RPS5: variants seen among roughly 807,000 people sequenced by gnomAD.
RPS5 encodes the protein small ribosomal subunit protein uS7.
In RPS5, 2 loss-of-function variants were observed where a neutral mutation model predicts 20.9. The observed-to-expected ratio is 0.10, with a 90% CI of 0.04 to 0.30. The LOEUF (loss-of-function observed/expected upper bound fraction) is 0.30. RPS5 is among the 10% of genes least tolerant of loss of function. The pLI is 1.00. For missense variants in RPS5, 122 were observed against 287.2 expected (o/e 0.42, Z 4.16); for synonymous variants, 112 against 105.8 (o/e 1.06, Z -0.36).
At chr19:58,394,616 T>TG (rs780209258) in intron 5 of RPS5, 21 bp downstream of exon 5, 98 of 1,613,740 alleles carry the variant, frequency 6.1e-5, no homozygotes, top group South Asian at 4.8e-4. Flanking sequence ...GCACTCCGGT[T>TG]GGGGGGTCTT....
rs893577870 is a variant in RPS5 at position 58,388,078 on chromosome 19, G to A, written c.-1-59G>A. Reference sequence around the variant, plus strand: ...TAGCCTCAGAGTTGGGAATGAGTGCGCCTTTGCTCCATGCTAGCTGAGCTC... The same window carrying A: ...TAGCCTCAGAGTTGGGAATGAGTGCACCTTTGCTCCATGCTAGCTGAGCTC... On this transcript the variant is annotated intron_variant, in intron 1 of 5. Coordinates refer to ENST00000196551, the MANE Select transcript of RPS5 (RefSeq NM_001009.4). The A allele has an allele frequency of 4.2e-6, 5 of 1,181,456 alleles. No homozygotes were observed. The African/African-American group carries it at 4.5e-5, about 11-fold the overall frequency. The allele number at this position is 1,181,456 out of a possible 1,614,324, so 73.2% of individuals were successfully genotyped here. A position where few individuals can be genotyped will look rare whatever the true frequency, so the allele number is the denominator to read the frequency against.
intron 2 of RPS5, among the ~76,000 whole-genome samples, chr19:58,391,899 C>G (rs1467746430): frequency 6.6e-6 from 1 of 152,064 alleles, no homozygotes; most frequent in African/African-American, 2.4e-5. Context: ...GCCCTCCAGC[C>G]TGGAAGGCAG....
rs749429275 is a variant in RPS5, at chr19:58,393,436, G to T, written c.396G>T (p.Gly132=). The stretch of plus-strand genomic sequence containing the variant: ...ACTCCACACGCATTGGGCGCGCCGG[G>T]ACTGTGAGACGACAGGCTGTGGATG... ...REDSTRIGRA[G]TVRRQAVDVS... Residue 132 remains glycine, a synonymous_variant, in exon 4 of 6, where the codon GGG becomes GGT. Coordinates refer to ENST00000196551, the MANE Select transcript of RPS5 (RefSeq NM_001009.4). 91 of 1,613,316 alleles carry T rather than the reference G, an allele frequency of 5.6e-5. No homozygotes were observed. The South Asian group carries it at 9.0e-4, about 16-fold the overall frequency.
chr19:58,394,604 G>A lies in RPS5; in HGVS notation c.546+9G>A. 6 of 1,613,992 alleles carry A rather than the reference G, an allele frequency of 3.7e-6. No individual in the cohort carries two copies. Among genetic ancestry groups the A allele is most frequent in the Non-Finnish European group, 5.1e-6 (6 of 1,179,892 alleles). On this transcript the variant is annotated intron_variant, in intron 5 of 5. Transcript: ENST00000196551. ...TCATCAATGCTGCCAAGGTGGGTGAGGGCACTCCGGTTGGGGGGTCTTAAG... is the reference window on the plus strand; with the variant it reads ...TCATCAATGCTGCCAAGGTGGGTGAAGGCACTCCGGTTGGGGGGTCTTAAG...
At chr19:58,392,881 C>T in intron 2 of RPS5, 95 bp from the exon 3 acceptor site, 1 of 1,178,498 alleles carries the variant, frequency 8.5e-7, no homozygotes, top group South Asian at 1.4e-5. Context: ...GTTGGACTAC[C>T]CCGAATGGGT....
intron 2 of RPS5, among the ~76,000 whole-genome samples, chr19:58,391,115 T>C (rs1599933843): frequency 1.3e-5 from 2 of 152,190 alleles, no homozygotes; most frequent in African/African-American, 2.4e-5. Flanking sequence ...GATGGCTATG[T>C]AAGTATAAGA....
At chr19:58,392,272 C>T (rs548649613) in intron 2 of RPS5, among the ~76,000 whole-genome samples, 1 of 151,500 alleles carries the variant, frequency 6.6e-6, no homozygotes, top group South Asian at 2.1e-4. Flanking sequence ...TGCAGTGAGC[C>T]GAGGTTGCGC....
intron 2 of RPS5, among the ~76,000 whole-genome samples, chr19:58,391,079 G>A (rs1228006575): frequency 1.3e-5 from 2 of 152,090 alleles, no homozygotes; most frequent in East Asian, 3.8e-4. Flanking sequence ...TTAACTTTTT[G>A]GCATTTTTCT....
intron 2 of RPS5, 127 bp downstream of exon 2, chr19:58,388,372 C>T: frequency 1.5e-6 from 1 of 683,230 alleles, no homozygotes; most frequent in Non-Finnish European, 2.6e-6. Context: ...GAAGGGATCC[C>T]TTGACCACCA....
At chr19:58,391,918 C>T (rs577028088) in intron 2 of RPS5, among the ~76,000 whole-genome samples, 71 of 151,888 alleles carry the variant, frequency 4.7e-4, no homozygotes, top group Non-Finnish European at 9.7e-4. Flanking sequence ...AGTGAGACTC[C>T]ATCTCAAAAA....
chr19:58,387,852 G>A (rs1053983285), intron 1 of RPS5: 2 of 452,096 alleles, frequency 4.4e-6, no homozygotes, highest in South Asian at 2.4e-5. Context: ...GTGTGAGGAC[G>A]TATGGCATCT....
intron 2 of RPS5, among the ~76,000 whole-genome samples, chr19:58,392,524 T>C (rs1293282915): frequency 3.3e-5 from 5 of 149,646 alleles, no homozygotes; most frequent in Admixed American, 2.0e-4. Flanking sequence ...ACTCGGGAGG[T>C]TGAGGCAGGA....
intron 2 of RPS5, among the ~76,000 whole-genome samples, chr19:58,389,398 A>G (rs1007701659): frequency 6.6e-6 from 1 of 151,932 alleles, no homozygotes; most frequent in Non-Finnish European, 1.5e-5. Flanking sequence ...TTAGACTCCA[A>G]CTAGCTGGGA....
chr19:58,389,723 G>T (rs185183370), intron 2 of RPS5, among the ~76,000 whole-genome samples: 5 of 151,940 alleles, frequency 3.3e-5, no homozygotes, highest in Non-Finnish European at 7.4e-5. Flanking sequence ...CACAACCTCC[G>T]CCTCCCGGGT....
At chr19:58,391,608 CA>C (rs770137673) in intron 2 of RPS5, among the ~76,000 whole-genome samples, 16 of 148,488 alleles carry the variant, frequency 1.1e-4, no homozygotes, top group Non-Finnish European at 2.4e-4. Context: ...ATCTCAAAAA[CA>C]AACAAACAAA....
chr19:58,388,635 AGT>A, intron 2 of RPS5: 4 of 200,628 alleles, frequency 2.0e-5, no homozygotes, highest in African/African-American at 3.1e-5. Context: ...AGCTGGCCGT[AGT>A]TTTTTTTTTT....
At chr19:58,388,062 A>G (rs573608358) in intron 1 of RPS5, 75 bp from the exon 2 acceptor site, 1 of 962,500 alleles carries the variant, frequency 1.0e-6, no homozygotes, top group East Asian at 2.6e-5. Flanking sequence ...CTAGCCTCAG[A>G]GTTGGGAATG....
At position 58,394,492 on chromosome 19, in the gene RPS5, C is replaced by T. The variant is rs2052384359; in HGVS notation, c.448-5C>T. On this transcript the variant is annotated splice_region_variant and splice_polypyrimidine_tract_variant and intron_variant, in intron 4 of 5. Transcript: ENST00000196551. ...CTTCTAGCCTGACCCCTGCTGTCTT[C>T]CTAGGCCATCTGGCTGCTGTGCACA... 1.9e-6 allele frequency: 3 copies of T among 1,613,732 alleles called. No individual in the cohort carries two copies. Among genetic ancestry groups the T allele is most frequent in the East Asian group, 2.2e-5 (1 of 44,874 alleles).
intron 2 of RPS5, among the ~76,000 whole-genome samples, chr19:58,392,352 G>C (rs940325477): frequency 6.6e-6 from 1 of 151,288 alleles, no homozygotes; most frequent in African/African-American, 2.4e-5. Flanking sequence ...TAGGCCAGGC[G>C]CAGTGGCTCA....
Sources: allele counts gnomAD v4.1 joint callset (sites outside exome capture counted in the v4.1 genomes callset), GRCh38; gene constraint gnomAD v4.1.1; transcripts MANE v1.5; gene names NCBI Gene and HGNC (gene_info 2026-07-23, HGNC 2026-07-21).